Variants in ITPR1 observed in about 807,000 individuals in gnomAD.
The protein encoded by ITPR1 is inositol 1,4,5-trisphosphate-gated calcium channel ITPR1.
A neutral mutation model predicts 318.4 loss-of-function variants in ITPR1; 96 were observed. The observed-to-expected ratio is 0.30, with a 90% CI of 0.26 to 0.36. The LOEUF (loss-of-function observed/expected upper bound fraction) is 0.36. Among genes scored for constraint, ITPR1 ranks in the 10% least tolerant of loss-of-function variants. The pLI is 1.00. For synonymous variants in ITPR1, 1,312 were observed against 1,289.9 expected, an observed-to-expected ratio of 1.02 and a Z score of -0.37; for missense variants, 2,440 against 3,460.2, an observed-to-expected ratio of 0.71 and a Z score of 7.40.
intron 35 of ITPR1, among the ~76,000 whole-genome samples, chr3:4,700,295 G>A (rs1287829856): frequency 6.6e-6 from 1 of 152,182 alleles, no homozygotes; most frequent in Non-Finnish European, 1.5e-5. Flanking sequence ...ATGGTAGCCT[G>A]TGCTATTTCT....
Position 4,667,369 on chromosome 3 carries a change from T to G in ITPR1, c.1714-8T>G. 6.3e-7 allele frequency: 1 copy of G among 1,596,012 alleles called. No homozygotes were observed. Among genetic ancestry groups the G allele is most frequent in the South Asian group, 1.1e-5 (1 of 88,214 alleles). On this transcript the variant is annotated splice_region_variant and splice_polypyrimidine_tract_variant and intron_variant, in intron 17 of 61. Transcript: ENST00000649015. ...TCCTACTGACGTCTCTTTTCTCTCC[T>G]TATAAAGGAGTATATAGCCAAGCAG...
At chr3:4,795,036 C>A in intron 52 of ITPR1, 29 bp from the exon 53 acceptor site, 1 of 1,580,922 alleles carries the variant, frequency 6.3e-7, no homozygotes, top group Non-Finnish European at 8.6e-7. Flanking sequence ...GGTCTCCAGC[C>A]TCACGCGGCT....
intron 4 of ITPR1, among the ~76,000 whole-genome samples, chr3:4,554,604 G>T (rs2085933944): frequency 6.6e-6 from 1 of 152,114 alleles, no homozygotes; most frequent in African/African-American, 2.4e-5. Flanking sequence ...GAGTGACAGT[G>T]TGGCTACAGG....
intron 4 of ITPR1, among the ~76,000 whole-genome samples, chr3:4,561,172 A>G (rs2086638013): frequency 6.6e-6 from 1 of 152,224 alleles, no homozygotes; most frequent in Non-Finnish European, 1.5e-5. Context: ...TTGAATAAAT[A>G]GTCTCATATG....
chr3:4,503,331 C>T (rs2081167590), intron 2 of ITPR1, among the ~76,000 whole-genome samples: 1 of 152,058 alleles, frequency 6.6e-6, no homozygotes, highest in African/African-American at 2.4e-5. Flanking sequence ...TCCGCAGTAC[C>T]GAGTGTTGAC....
chr3:4,822,146 G>A (rs2053504), intron 60 of ITPR1, among the ~76,000 whole-genome samples: 92,817 of 151,948 alleles, frequency 0.61, 28,613 homozygotes, highest in African/African-American at 0.69. Context: ...GGTTCCTACC[G>A]CCTCACACAT....
chr3:4,621,703 C>G (rs1229562967), intron 4 of ITPR1, among the ~76,000 whole-genome samples: 1 of 152,246 alleles, frequency 6.6e-6, no homozygotes, highest in Non-Finnish European at 1.5e-5. Flanking sequence ...CAAGCCTTAT[C>G]TTCTGCAGCT....
At chr3:4,806,073 C>T in intron 54 of ITPR1, 30 bp from the exon 55 acceptor site, 1 of 1,593,146 alleles carries the variant, frequency 6.3e-7, no homozygotes, top group East Asian at 2.2e-5. Flanking sequence ...ACAGTCCGTG[C>T]CATCTGACTG....
chr3:4,647,397 C>A (rs1173698044), intron 10 of ITPR1, among the ~76,000 whole-genome samples: 2 of 152,302 alleles, frequency 1.3e-5, no homozygotes, highest in East Asian at 3.9e-4. Flanking sequence ...AACTTTTCTT[C>A]ATTTCTCTGA....
chr3:4,788,031 C>T lies in ITPR1; in HGVS notation c.6700C>T (p.Arg2234Ter). The T allele has an allele frequency of 1.2e-6, 2 of 1,612,516 alleles. No individual in the cohort carries two copies. The highest frequency in any genetic ancestry group is 1.1e-5 in the South Asian group (1 of 90,630). ...CEFLTKESKL[R>*]IYYTTERDEQ... is the part of the protein sequence containing the mutation. The stretch of plus-strand genomic sequence containing the variant: ...ATTCCTAACCAAGGAGTCAAAACTA[C>T]GAATTTACTATACTACAGAGAGAGA... The change falls in exon 52 of 62, where the codon CGA (arginine) becomes TGA (stop). Residue 2234 changes from arginine (R) to a stop codon, truncating the protein, a stop_gained. Transcript: ENST00000649015. LOFTEE classifies it high-confidence loss of function.
intron 26 of ITPR1, among the ~76,000 whole-genome samples, chr3:4,681,754 T>C (rs922352458): frequency 1.3e-5 from 2 of 151,640 alleles, no homozygotes. Flanking sequence ...AAAAGAAGAA[T>C]AGAAAGAGAG....
chr3:4,715,655 C>G (rs1372813079), intron 39 of ITPR1, among the ~76,000 whole-genome samples: 4 of 152,186 alleles, frequency 2.6e-5, no homozygotes, highest in African/African-American at 7.2e-5. Flanking sequence ...GAGTTCGAGA[C>G]CAGCCTGGCC....
chr3:4,816,113 G>T (rs1559947042), intron 59 of ITPR1: 1 of 151,988 alleles, frequency 6.6e-6, no homozygotes, highest in African/African-American at 2.4e-5. Context: ...TGTATCTACA[G>T]TATAATTATC....
chr3:4,558,042 G>A (rs2086307332), intron 4 of ITPR1, among the ~76,000 whole-genome samples: 1 of 152,148 alleles, frequency 6.6e-6, no homozygotes, highest in South Asian at 2.1e-4. Flanking sequence ...GTTTAGTAAA[G>A]TGTTTGGACC....
Position 4,723,021 on chromosome 3 carries a change from G to A in ITPR1, c.5137-2525G>A, listed in dbSNP as rs145515976. Among the ~76,000 whole-genome samples, 267 of 152,262 alleles carry A rather than the reference G, an allele frequency of 1.8e-3. 1 individual carries two copies. Among genetic ancestry groups the A allele is most frequent in the African/African-American group, 6.1e-3 (252 of 41,542 alleles). ...AAATTAGCTGGGTGTGGTGGTGCAT[G>A]CCTGTAGTCCCAGCTACTCAGGAGG... is the stretch of plus-strand genomic sequence containing the variant. On this transcript the variant is annotated intron_variant, in intron 40 of 61. Coordinates refer to ENST00000649015, the MANE Select transcript of ITPR1 (RefSeq NM_001378452.1).
Position 4,669,688 on chromosome 3 carries a change from A to G in ITPR1, c.1921A>G (p.Met641Val), listed in dbSNP as rs2094030731. The change falls in exon 19 of 62, where the codon ATG becomes GTG. Residue 641 changes from methionine to valine, a missense_variant. By Grantham distance (21) the Met-to-Val change is conservative (BLOSUM62 1). Transcript: ENST00000649015. Reference sequence around the variant, plus strand: ...TTACCTCTCCGACCTCTGTGTCTCCATGAACAAATCAATTCCAGTGACCCA... The same window carrying G: ...TTACCTCTCCGACCTCTGTGTCTCCGTGAACAAATCAATTCCAGTGACCCA... ...LDYLSDLCVS[M>V]NKSIPVTQEL... The G allele has an allele frequency of 6.2e-7, 1 of 1,613,242 alleles. No homozygotes were observed. The highest frequency in any genetic ancestry group is 8.5e-7 in the Non-Finnish European group (1 of 1,179,398).
At chr3:4,830,500 G>T (rs566285922) in intron 60 of ITPR1, among the ~76,000 whole-genome samples, 2 of 151,898 alleles carry the variant, frequency 1.3e-5, no homozygotes, top group Admixed American at 1.3e-4. Flanking sequence ...TTTAAAGTCC[G>T]TTAAGTGTCC....
intron 44 of ITPR1, among the ~76,000 whole-genome samples, chr3:4,747,511 C>A (rs2044196851): frequency 6.6e-6 from 1 of 152,196 alleles, no homozygotes; most frequent in Non-Finnish European, 1.5e-5. Flanking sequence ...TGTGCCTCCA[C>A]ATTTTGTTTT....
chr3:4,696,673 G>GTTTT (rs10546052), intron 33 of ITPR1, among the ~76,000 whole-genome samples: 4 of 117,208 alleles, frequency 3.4e-5, no homozygotes, highest in Admixed American at 8.9e-5. Flanking sequence ...CTTGCCGTGT[G>GTTTT]TTTTTTTTTT....
Sources: gnomAD v4.1 joint callset for allele counts (sites outside exome capture counted in the v4.1 genomes callset) on GRCh38, gnomAD v4.1.1 for gene constraint, MANE v1.5 for transcripts, NCBI Gene and HGNC (gene_info 2026-07-23, HGNC 2026-07-21) for gene names.